The following MTHFD1L variants were observed in gnomAD, a reference collection of about 807,000 sequenced individuals.
MTHFD1L encodes the protein methylenetetrahydrofolate dehydrogenase (NADP+ dependent) 1 like.
A neutral mutation model predicts 119.5 loss-of-function variants in MTHFD1L; 81 were observed. The observed-to-expected ratio is 0.68, with a 90% CI of 0.57 to 0.82. MTHFD1L has a LOEUF of 0.82. Among genes scored for constraint, MTHFD1L ranks in the 40% least tolerant of loss-of-function variants. MTHFD1L has a pLI of 0.00. For synonymous variants in MTHFD1L, 430 were observed against 475.2 expected, an observed-to-expected ratio of 0.90 and a Z score of 1.24; for missense variants, 1,125 against 1,253.4, an observed-to-expected ratio of 0.90 and a Z score of 1.55.
chr6:151,044,306 T>C (rs1221716049), intron 26 of MTHFD1L, among the ~76,000 whole-genome samples: 3 of 150,808 alleles, frequency 2.0e-5, no homozygotes, highest in Non-Finnish European at 3.0e-5. Context: ...TTTTTTTTTT[T>C]TTTTCTTTTT....
intron 20 of MTHFD1L, among the ~76,000 whole-genome samples, chr6:150,973,032 C>A (rs1022484684): frequency 6.6e-6 from 1 of 152,206 alleles, no homozygotes; most frequent in Non-Finnish European, 1.5e-5. Context: ...CACAGGCATT[C>A]ATGGAGGAGT....
chr6:151,013,858 CT>C (rs763510161), intron 22 of MTHFD1L, 38 bp downstream of exon 22: 3 of 1,569,364 alleles, frequency 1.9e-6, no homozygotes, highest in Non-Finnish European at 2.6e-6. Context: ...TGAAGAATCT[CT>C]TAAATCCAGT....
chr6:151,054,064 A>T (rs1328419429), intron 26 of MTHFD1L, among the ~76,000 whole-genome samples: 1 of 152,166 alleles, frequency 6.6e-6, no homozygotes, highest in Non-Finnish European at 1.5e-5. Context: ...TTTGAGATGG[A>T]AACATTTCGG....
Position 150,972,006 on chromosome 6 carries a change from A to G in MTHFD1L, c.2073A>G (p.Ser691=). 5 of 1,614,158 alleles carry G rather than the reference A, an allele frequency of 3.1e-6. No individual in the cohort carries two copies. The highest frequency in any genetic ancestry group is 4.2e-6 in the Non-Finnish European group (5 of 1,180,028). Residue 691 remains serine (S), a synonymous_variant, in exon 20 of 28, where the codon TCA becomes TCG. Coordinates refer to ENST00000367321, the MANE Select transcript of MTHFD1L (RefSeq NM_015440.5). ...PFANIAHGNS[S]VLADKIALKL... ...CTAACATTGCTCACGGCAACTCTTC[A>G]GTGTTGGCTGATAAAATTGCCCTGA...
rs571996419 is a variant in MTHFD1L at position 151,085,026 on chromosome 6, TAC to T, written c.2848-7427_2848-7426del. The stretch of plus-strand genomic sequence containing the variant: ...ATATGTATATATTTATATATGTATA[TAC>T]ACACACACACACATTAGATAAGCAC... On this transcript the variant is annotated intron_variant, in intron 26 of 27. Transcript: ENST00000367321. Among the ~76,000 whole-genome samples the T allele has an allele frequency of 8.8e-4, 127 of 143,912 alleles. 1 individual carries two copies. The highest frequency in any genetic ancestry group is 3.7e-3 in the Middle Eastern group (1 of 272). 94.4% of individuals were successfully genotyped at this position (143,912 alleles called of 152,430 possible).
At chr6:151,002,375 G>A (rs1245710840) in intron 20 of MTHFD1L, among the ~76,000 whole-genome samples, 1 of 152,196 alleles carries the variant, frequency 6.6e-6, no homozygotes, top group Non-Finnish European at 1.5e-5. Flanking sequence ...AAGTGAGACA[G>A]GACACCTAGT....
At chr6:151,013,738 T>G (rs1782619908) in intron 21 of MTHFD1L, 41 bp from the exon 22 acceptor site, 2 of 1,568,152 alleles carry the variant, frequency 1.3e-6, no homozygotes, top group Non-Finnish European at 1.8e-6. Context: ...GTGTAAGCAT[T>G]TTTATAGGAT....
intron 20 of MTHFD1L, among the ~76,000 whole-genome samples, chr6:150,973,743 C>T (rs1053055498): frequency 2.0e-5 from 3 of 152,150 alleles, no homozygotes; most frequent in African/African-American, 7.2e-5. Flanking sequence ...CCATTAGCCT[C>T]TCTGGGTGTG....
chr6:151,034,592 A>T lies in MTHFD1L; in HGVS notation c.2686A>T (p.Thr896Ser). ...GGCACAAGCCAAAATAGATCGTTAC[A>T]CTCAACAGGTAAAAGTTCTACTTTT... ...PEAQAKIDRY[T>S]QQGFGNLPIC... Residue 896 changes from threonine to serine, a missense_variant, in exon 25 of 28, where the codon ACT becomes TCT. Thr to Ser is a moderately conservative substitution (Grantham distance 58). Around this residue, in one of 3 missense-constraint regions of MTHFD1L, gnomAD observed 1,058 missense variants for 1,151.2 expected, o/e 0.92. Coordinates refer to ENST00000367321, the MANE Select transcript of MTHFD1L (RefSeq NM_015440.5). 6.2e-7 allele frequency: 1 copy of T among 1,605,454 alleles called. No homozygotes were observed. The highest frequency in any genetic ancestry group is 1.1e-5 in the South Asian group (1 of 90,790).
intron 13 of MTHFD1L, among the ~76,000 whole-genome samples, chr6:150,942,637 T>C (rs1793316144): frequency 6.6e-6 from 1 of 152,148 alleles, no homozygotes; most frequent in Admixed American, 6.5e-5. Context: ...TCTTTAATGA[T>C]GTAAAAATGC....
intron 18 of MTHFD1L, among the ~76,000 whole-genome samples, chr6:150,961,741 C>T (rs11155763): frequency 0.46 from 70,241 of 151,524 alleles, 17,094 homozygotes; most frequent in South Asian, 0.59. Flanking sequence ...AATAGATCAA[C>T]GTATGTCGCA....
chr6:150,933,631 G>A (rs774561935), intron 11 of MTHFD1L, among the ~76,000 whole-genome samples: 3 of 152,120 alleles, frequency 2.0e-5, no homozygotes, highest in South Asian at 2.1e-4. Context: ...GGGTACCAGC[G>A]ACCTCCTTGT....
chr6:151,058,082 C>T (rs1790202539), intron 26 of MTHFD1L, among the ~76,000 whole-genome samples: 1 of 152,156 alleles, frequency 6.6e-6, no homozygotes, highest in Non-Finnish European at 1.5e-5. Flanking sequence ...CAGCTGGAGG[C>T]CTTATTTTTA....
At chr6:150,907,524 A>G (rs1389019738) in intron 8 of MTHFD1L, among the ~76,000 whole-genome samples, 3 of 152,194 alleles carry the variant, frequency 2.0e-5, no homozygotes, top group African/African-American at 7.2e-5. Flanking sequence ...ACGTCCAAAA[A>G]TGCTGGCAGC....
rs117882367 is a variant in MTHFD1L, at chr6:150,870,602, G to A, written c.227+4553G>A. Among the ~76,000 whole-genome samples, 1,381 of 151,990 alleles carry A rather than the reference G, an allele frequency of 9.1e-3. 14 individuals are homozygous for A. The highest frequency in any genetic ancestry group is 0.015 in the Non-Finnish European group (1,011 of 67,978). On this transcript the variant is annotated intron_variant, in intron 1 of 27. Transcript: ENST00000367321. ...TGTAGCCTATTAAGTATGCACTAGC[G>A]TTTTGTCTAAAAAAAAACCCATATA... is the stretch of plus-strand genomic sequence containing the variant.
intron 20 of MTHFD1L, among the ~76,000 whole-genome samples, chr6:150,981,456 T>C (rs1041840253): frequency 1.2e-4 from 18 of 152,232 alleles, no homozygotes; most frequent in Admixed American, 9.8e-4. Context: ...CGGCACCTCA[T>C]TGCACATTAG....
chr6:150,922,636 C>T lies in MTHFD1L; in HGVS notation c.1082+334C>T, dbSNP rs867470418. ...TTCCTATATTTAATGGCAGTGTTTT[C>T]CCCCCCCACCCTTTTTTTTTTTTTT... On this transcript the variant is annotated intron_variant, in intron 10 of 27. Transcript: ENST00000367321. Among the ~76,000 whole-genome samples, 252 of 98,048 alleles carry T rather than the reference C, an allele frequency of 2.6e-3. 1 individual carries two copies. Among genetic ancestry groups the T allele is most frequent in the African/African-American group, 9.9e-3 (214 of 21,614 alleles). 64.3% of individuals were successfully genotyped at this position (98,048 alleles called of 152,430 possible). A position where few individuals can be genotyped will look rare whatever the true frequency, so the allele number is the denominator to read the frequency against.
intron 20 of MTHFD1L, among the ~76,000 whole-genome samples, chr6:150,991,191 A>G (rs1779013378): frequency 6.6e-6 from 1 of 152,186 alleles, no homozygotes; most frequent in South Asian, 2.1e-4. Flanking sequence ...ATCACAATAT[A>G]TTCAAAATAA....
At chr6:151,010,225 A>T (rs1046048591) in intron 21 of MTHFD1L, among the ~76,000 whole-genome samples, 11 of 152,304 alleles carry the variant, frequency 7.2e-5, no homozygotes, top group African/African-American at 2.4e-4. Context: ...CTTTCTAAAC[A>T]ATATTTTGGA....
Sources: allele counts gnomAD v4.1 joint callset (sites outside exome capture counted in the v4.1 genomes callset), GRCh38; gene constraint gnomAD v4.1.1; regional missense constraint gnomAD v4.1.1; transcripts MANE v1.5; gene names NCBI Gene and HGNC (gene_info 2026-07-23, HGNC 2026-07-21).